The following CA10 variants were observed in gnomAD, a reference collection of about 807,000 sequenced individuals.
The protein encoded by CA10 is carbonic anhydrase 10 (inactive).
A neutral mutation model predicts 44.2 loss-of-function variants in CA10; 14 were observed. That is an observed-to-expected ratio of 0.32 (90% CI 0.21 to 0.50). The LOEUF is 0.50. Among genes scored for constraint, CA10 ranks in the 20% least tolerant of loss-of-function variants. The pLI, the probability that CA10 is intolerant of heterozygous loss-of-function variation, is 0.99. For synonymous variants in CA10, 159 were observed against 141.6 expected (o/e 1.12, Z -0.87); for missense variants, 350 against 409.7 (o/e 0.85, Z 1.26).
At chr17:51,710,393 CA>C (rs1309516120) in intron 4 of CA10, among the ~76,000 whole-genome samples, 2 of 152,124 alleles carry the variant, frequency 1.3e-5, no homozygotes, top group African/African-American at 4.8e-5. Context: ...GCTGTTTTGA[CA>C]GGGACTCCCC....
intron 2 of CA10, among the ~76,000 whole-genome samples, chr17:52,036,926 C>T (rs551892413): frequency 3.2e-4 from 48 of 152,194 alleles, no homozygotes; most frequent in African/African-American, 7.9e-4. Context: ...GCTACTGAGG[C>T]GGGCAAGGCC....
intron 4 of CA10, among the ~76,000 whole-genome samples, chr17:51,710,456 T>G (rs1352374615): frequency 6.6e-6 from 1 of 152,116 alleles, no homozygotes; most frequent in Non-Finnish European, 1.5e-5. Flanking sequence ...AACACCCAGG[T>G]TGTCTGAACA....
At chr17:51,797,366 G>GCACA (rs1161827786) in intron 3 of CA10, among the ~76,000 whole-genome samples, 1 of 152,118 alleles carries the variant, frequency 6.6e-6, no homozygotes, top group Non-Finnish European at 1.5e-5. Context: ...ACGCGTGCAC[G>GCACA]CACACACGCA....
chr17:51,898,266 A>T (rs981607784), intron 3 of CA10, among the ~76,000 whole-genome samples: 2 of 151,114 alleles, frequency 1.3e-5, no homozygotes, highest in Non-Finnish European at 3.0e-5. Context: ...TTGTTTTTTT[A>T]AAATGTTGAA....
chr17:52,110,696 A>C (rs1318011364), intron 1 of CA10, among the ~76,000 whole-genome samples: 1 of 152,168 alleles, frequency 6.6e-6, no homozygotes, highest in East Asian at 1.9e-4. Flanking sequence ...AAATTGCACC[A>C]AAAGGTTGGT....
chr17:51,877,653 T>G (rs1385404540), intron 3 of CA10, among the ~76,000 whole-genome samples: 1 of 152,186 alleles, frequency 6.6e-6, no homozygotes, highest in African/African-American at 2.4e-5. Flanking sequence ...TGGTACACCA[T>G]CTAAGGTTCA....
At chr17:51,851,306 A>C (rs982535993) in intron 3 of CA10, among the ~76,000 whole-genome samples, 1 of 152,180 alleles carries the variant, frequency 6.6e-6, no homozygotes, top group Non-Finnish European at 1.5e-5. Context: ...AAGTTGTTCA[A>C]CACAGCGGCC....
intron 3 of CA10, among the ~76,000 whole-genome samples, chr17:51,829,964 T>G (rs1908170311): frequency 6.6e-6 from 1 of 151,918 alleles, no homozygotes; most frequent in African/African-American, 2.4e-5. Flanking sequence ...TATGGGAGAC[T>G]GAGGTAGGCA....
At chr17:51,793,479 T>C (rs1456476847) in intron 3 of CA10, among the ~76,000 whole-genome samples, 1 of 152,158 alleles carries the variant, frequency 6.6e-6, no homozygotes, top group Non-Finnish European at 1.5e-5. Flanking sequence ...ATCTTTAATT[T>C]GCTAAAAACT....
At chr17:52,020,029 A>G (rs1310184103) in intron 2 of CA10, among the ~76,000 whole-genome samples, 3 of 151,938 alleles carry the variant, frequency 2.0e-5, no homozygotes, top group African/African-American at 7.2e-5. Context: ...AGATTGCTCT[A>G]TTCTTCACTT....
At chr17:51,948,563 T>A (rs890546696) in intron 2 of CA10, among the ~76,000 whole-genome samples, 7 of 152,198 alleles carry the variant, frequency 4.6e-5, no homozygotes, top group Non-Finnish European at 7.4e-5. Context: ...AGTCTCCAGT[T>A]CTGTGCTCTC....
intron 2 of CA10, among the ~76,000 whole-genome samples, chr17:52,056,359 TAAG>T (rs1374458064): frequency 2.0e-5 from 3 of 151,994 alleles, no homozygotes; most frequent in African/African-American, 7.2e-5. Context: ...CGTCTATTCA[TAAG>T]AAGTCATGAA....
chr17:52,085,705 A>G (rs1032550436), intron 1 of CA10, among the ~76,000 whole-genome samples: 4 of 152,148 alleles, frequency 2.6e-5, no homozygotes, highest in African/African-American at 9.7e-5. Flanking sequence ...TAACCTCTTC[A>G]TGAGATTGTC....
intron 3 of CA10, among the ~76,000 whole-genome samples, chr17:51,772,108 C>A (rs917346599): frequency 1.3e-5 from 2 of 152,200 alleles, no homozygotes; most frequent in African/African-American, 2.4e-5. Context: ...CATAGCTGAA[C>A]CTCTCTGTGC....
chr17:51,913,556 G>A (rs1981870382), intron 3 of CA10, among the ~76,000 whole-genome samples: 1 of 152,156 alleles, frequency 6.6e-6, no homozygotes, highest in African/African-American at 2.4e-5. Flanking sequence ...TTTCAGGCTT[G>A]GGAACAATTT....
intron 7 of CA10, among the ~76,000 whole-genome samples, chr17:51,635,469 C>T (rs759770854): frequency 3.3e-5 from 5 of 151,728 alleles, no homozygotes; most frequent in African/African-American, 9.7e-5. Context: ...GCCAAGATCA[C>T]GCCACTGCAC....
chr17:51,978,368 G>C (rs1984532300), intron 2 of CA10, among the ~76,000 whole-genome samples: 1 of 146,164 alleles, frequency 6.8e-6, no homozygotes, highest in African/African-American at 2.5e-5. Context: ...ACTCATATCT[G>C]TGTGTGTGTC....
In CA10 at chr17:52,030,581, C is replaced by A. The variant is rs552135394; in HGVS notation, c.136+41738G>T. Among the ~76,000 whole-genome samples the A allele has an allele frequency of 4.6e-5, 7 of 152,272 alleles. No homozygotes were observed. The South Asian group carries it at 1.5e-3, about 32-fold the overall frequency. ...TAGGTTTCAACTTCACTGGAATAAG[C>A]AATACCTAGAAACTTGGTAAAGCAT... is the stretch of plus-strand genomic sequence containing the variant. On this transcript the variant is annotated intron_variant, in intron 2 of 8. Coordinates refer to ENST00000451037, the MANE Select transcript of CA10 (RefSeq NM_020178.5).
rs185621450 is a variant in CA10, at chr17:52,055,398, T to A, written c.136+16921A>T. Among the ~76,000 whole-genome samples, 68 of 148,504 alleles carry A rather than the reference T, an allele frequency of 4.6e-4. 1 individual carries two copies. In the East Asian group the frequency reaches 0.011, roughly 25 times the overall value. ...CTTAAATATGGAGTTTCCAAAACTA[T>A]AAAGTGAATTTAAATATATACCACA... On this transcript the variant is annotated intron_variant, in intron 2 of 8. Transcript: ENST00000451037.
Sources: gnomAD v4.1 joint callset for allele counts (sites outside exome capture counted in the v4.1 genomes callset) on GRCh38, gnomAD v4.1.1 for gene constraint, MANE v1.5 for transcripts, NCBI Gene and HGNC (gene_info 2026-07-23, HGNC 2026-07-21) for gene names.